GULP1: variants seen among roughly 807,000 people sequenced by gnomAD.
GULP1 encodes PTB domain-containing engulfment adapter protein 1.
GULP1 carries 19 observed loss-of-function variants against 40.9 expected under a neutral mutation model. The ratio of observed to expected loss-of-function variants is 0.46; its 90% CI spans 0.32 to 0.68. GULP1 has a LOEUF of 0.68. Ranked by LOEUF, GULP1 falls within the 30% of genes least tolerant of loss-of-function variation. The pLI, the probability that GULP1 is intolerant of heterozygous loss-of-function variation, is 0.03. For synonymous variants in GULP1, 119 were observed against 117.6 expected (o/e 1.01, Z -0.08); for missense variants, 312 against 362.2 (o/e 0.86, Z 1.12).
intron 7 of GULP1, among the ~76,000 whole-genome samples, chr2:188,557,919 G>A (rs2153399761): frequency 6.6e-6 from 1 of 152,330 alleles, no homozygotes; most frequent in Non-Finnish European, 1.5e-5. Context: ...TGGGAAGCAG[G>A]GAGTAGTGTT....
intron 9 of GULP1, 47 bp from the exon 10 acceptor site, chr2:188,584,218 A>G (rs1034550720): frequency 3.4e-6 from 4 of 1,192,048 alleles, no homozygotes; most frequent in African/African-American, 3.1e-5. Context: ...TAGCATTACA[A>G]TGTGTCTATA....
intron 2 of GULP1, among the ~76,000 whole-genome samples, chr2:188,415,898 C>T (rs2054516313): frequency 6.6e-6 from 1 of 152,084 alleles, no homozygotes. Context: ...CAGAGTGATA[C>T]AAGTAACCAA....
intron 2 of GULP1, among the ~76,000 whole-genome samples, chr2:188,455,972 A>G (rs2059224343): frequency 6.6e-6 from 1 of 152,172 alleles, no homozygotes; most frequent in South Asian, 2.1e-4. Context: ...GACTGGTGGC[A>G]TTTTGCTCCT....
chr2:188,451,551 A>G (rs1336805937), intron 2 of GULP1, among the ~76,000 whole-genome samples: 1 of 152,204 alleles, frequency 6.6e-6, no homozygotes, highest in Non-Finnish European at 1.5e-5. Flanking sequence ...AATATTTTCC[A>G]GCACTCAAAA....
At chr2:188,538,064 C>T (rs1222079809) in intron 6 of GULP1, among the ~76,000 whole-genome samples, 1 of 151,930 alleles carries the variant, frequency 6.6e-6, no homozygotes, top group African/African-American at 2.4e-5. Flanking sequence ...TACTTTTTGG[C>T]TCTTCTCTCC....
chr2:188,534,666 T>TAAAAC (rs958338773), intron 6 of GULP1, among the ~76,000 whole-genome samples: 6 of 151,604 alleles, frequency 4.0e-5, no homozygotes, highest in Admixed American at 6.6e-5. Context: ...TGTTTGGTGA[T>TAAAAC]AAAACAAAAC....
intron 1 of GULP1, among the ~76,000 whole-genome samples, chr2:188,369,367 T>C (rs1276025651): frequency 6.6e-6 from 1 of 151,028 alleles, no homozygotes; most frequent in Non-Finnish European, 1.5e-5. Flanking sequence ...CAGAAAAGAT[T>C]ATGATAGATT....
chr2:188,378,841 A>G (rs2048644916), intron 1 of GULP1, among the ~76,000 whole-genome samples: 2 of 152,172 alleles, frequency 1.3e-5, no homozygotes, highest in Admixed American at 1.3e-4. Context: ...TGAGGTTTGG[A>G]GGGTGAAATA....
chr2:188,495,182 G>C (rs2062784118), intron 4 of GULP1, among the ~76,000 whole-genome samples: 2 of 152,012 alleles, frequency 1.3e-5, no homozygotes, highest in Non-Finnish European at 2.9e-5. Context: ...AGTTACTGTG[G>C]AGATTTGGTC....
intron 1 of GULP1, among the ~76,000 whole-genome samples, chr2:188,339,718 A>G (rs1344685226): frequency 6.6e-6 from 1 of 152,186 alleles, no homozygotes; most frequent in Non-Finnish European, 1.5e-5. Flanking sequence ...AAGGTTTACT[A>G]TGTTTTCCTG....
chr2:188,403,820 G>A (rs2052658868), intron 2 of GULP1, among the ~76,000 whole-genome samples: 1 of 152,142 alleles, frequency 6.6e-6, no homozygotes, highest in South Asian at 2.1e-4. Flanking sequence ...CACAGCAGAG[G>A]AGCAATCAAG....
intron 2 of GULP1, among the ~76,000 whole-genome samples, chr2:188,412,645 C>T (rs2054057454): frequency 6.6e-6 from 1 of 152,132 alleles, no homozygotes; most frequent in African/African-American, 2.4e-5. Flanking sequence ...TATTGGGCAT[C>T]TTTTATCCAC....
At chr2:188,541,489 G>A (rs1690477319) in intron 7 of GULP1, 171 bp downstream of exon 7, 2 of 679,398 alleles carry the variant, frequency 2.9e-6, no homozygotes, top group South Asian at 1.7e-5. Context: ...ATGAGAATAT[G>A]CTTCAGGATT....
At position 188,594,975 on chromosome 2, in the gene GULP1, C is replaced by T. The variant is rs1306565317; in HGVS notation, c.*964C>T. 1 of 150,162 alleles carries T rather than the reference C, an allele frequency of 6.7e-6. No individual in the cohort carries two copies. Among genetic ancestry groups the T allele is most frequent in the African/African-American group, 2.4e-5 (1 of 40,874 alleles). The allele number at this position is 150,162 out of a possible 1,614,324, so 9.3% of individuals were successfully genotyped here. On this transcript the variant is annotated 3_prime_UTR_variant, in exon 12 of 12. Coordinates refer to ENST00000409830, the MANE Select transcript of GULP1 (RefSeq NM_016315.4). ...CCTCTTGGTTTTGATACTTTAAAAT[C>T]TGTGGCACCCGTTCTACATGAATTA... is the stretch of plus-strand genomic sequence containing the variant.
intron 4 of GULP1, among the ~76,000 whole-genome samples, chr2:188,500,870 G>A (rs2063365076): frequency 6.6e-6 from 1 of 151,818 alleles, no homozygotes; most frequent in African/African-American, 2.4e-5. Context: ...ATCAAATTGG[G>A]TAAAGGTTAG....
intron 7 of GULP1, among the ~76,000 whole-genome samples, chr2:188,546,114 A>G (rs1237075034): frequency 2.6e-5 from 4 of 152,012 alleles, no homozygotes; most frequent in Non-Finnish European, 4.4e-5. Context: ...GAGTAAATAG[A>G]CAAATACGCA....
rs367854904 is a variant in GULP1 at position 188,433,627 on chromosome 2, T to A, written c.-44-44032T>A. ...TCGAGGGGCTTTCAATGGGCACATC[T>A]TGGTATCTTAGTTCTGAGTTCAGGT... is the stretch of plus-strand genomic sequence containing the variant. On this transcript the variant is annotated intron_variant, in intron 2 of 11. Transcript: ENST00000409830. Among the ~76,000 whole-genome samples, 7 of 152,236 alleles carry A rather than the reference T, an allele frequency of 4.6e-5. No individual in the cohort carries two copies. The South Asian group carries it at 1.5e-3, about 32-fold the overall frequency.
chr2:188,352,618 T>TCTCTCTCA (rs578003996), intron 1 of GULP1, among the ~76,000 whole-genome samples: 3 of 134,406 alleles, frequency 2.2e-5, no homozygotes, highest in East Asian at 4.6e-4. Context: ...TCTCTCTCTC[T>TCTCTCTCA]CACACACACA....
chr2:188,556,635 T>G (rs1307413583), intron 7 of GULP1, among the ~76,000 whole-genome samples: 3 of 152,222 alleles, frequency 2.0e-5, no homozygotes, highest in Non-Finnish European at 4.4e-5. Flanking sequence ...TTTTTTTGTT[T>G]CCTGTGTCCT....
Sources: gnomAD v4.1 joint callset for allele counts (sites outside exome capture counted in the v4.1 genomes callset) on GRCh38, gnomAD v4.1.1 for gene constraint, MANE v1.5 for transcripts, NCBI Gene and HGNC (gene_info 2026-07-23, HGNC 2026-07-21) for gene names.